Variants in CHIA observed in about 807,000 individuals in gnomAD.
The protein encoded by CHIA is acidic mammalian chitinase.
A neutral mutation model predicts 53.5 loss-of-function variants in CHIA; 47 were observed. The observed-to-expected ratio is 0.88, with a 90% CI of 0.70 to 1.12. The LOEUF (loss-of-function observed/expected upper bound fraction) is 1.12. Ranked by LOEUF, CHIA falls within the 50% of genes most tolerant of loss-of-function variation. CHIA has a pLI of 0.00. For missense variants in CHIA, 652 were observed against 592.2 expected (o/e 1.10, Z -1.05); for synonymous variants, 268 against 222.2 (o/e 1.21, Z -1.83).
intron 6 of CHIA, chr1:111,315,731 C>T (rs1161383706): frequency 1.0e-5 from 5 of 483,730 alleles, no homozygotes; most frequent in Non-Finnish European, 2.0e-5. Flanking sequence ...CTTTATTTTA[C>T]AGATGAGGAA....
intron 2 of CHIA, among the ~76,000 whole-genome samples, chr1:111,311,486 C>A (rs567324760): frequency 1.3e-5 from 2 of 151,996 alleles, no homozygotes; most frequent in East Asian, 3.9e-4. Context: ...AGGTGTGAGA[C>A]GAAGGTACCA....
At chr1:111,297,188 A>T (rs1166283802) in intron 1 of CHIA, among the ~76,000 whole-genome samples, 1 of 152,194 alleles carries the variant, frequency 6.6e-6, no homozygotes, top group Non-Finnish European at 1.5e-5. Context: ...CAACCTAGCA[A>T]GGTAGGCCAA....
chr1:111,320,563 A>ATGTTT, downstream of CHIA: 2 of 1,170,452 alleles, frequency 1.7e-6, no homozygotes, highest in Non-Finnish European at 2.5e-6. Context: ...CAGTCAAAAC[A>ATGTTT]TGACTGTCCT....
chr1:111,315,375 G>A lies in CHIA; in HGVS notation c.420G>A (p.Glu140=). 6.2e-7 allele frequency: 1 copy of A among 1,614,104 alleles called. No homozygotes were observed. ...YEFDGLDFDW[E]YPGSRGSPPQ... The stretch of plus-strand genomic sequence containing the variant: ...TTGACGGGCTGGACTTTGACTGGGA[G>A]TACCCTGGCTCTCGTGGGAGCCCTC... Residue 140 remains glutamate (E), a synonymous_variant, in exon 6 of 12, where the codon GAG becomes GAA. Coordinates refer to ENST00000369740, the MANE Select transcript of CHIA (RefSeq NM_201653.4).
chr1:111,312,602 C>T (rs1648778379), intron 4 of CHIA, among the ~76,000 whole-genome samples: 1 of 152,226 alleles, frequency 6.6e-6, no homozygotes. Context: ...ATGGCTCAAT[C>T]GAACTATCAA....
chr1:111,314,468 T>C, intron 4 of CHIA, 72 bp from the exon 5 acceptor site: 1 of 1,063,168 alleles, frequency 9.4e-7, no homozygotes, highest in South Asian at 1.3e-5. Flanking sequence ...GATCCAACAC[T>C]AAAGCAATGT....
In CHIA at chr1:111,318,018, A is replaced by G; in HGVS notation, c.638A>G (p.Asp213Gly). ...GACTACATCCATGTCATGACCTACG[A>G]CCTCCATGGCTCCTGGGAGGGCTAC... is the stretch of plus-strand genomic sequence containing the variant. ...YLDYIHVMTYDLHGSWEGYTG... is the reference protein window; with the variant it reads ...YLDYIHVMTYGLHGSWEGYTG... Residue 213 changes from aspartate to glycine, a missense_variant, in exon 8 of 12, where the codon GAC (aspartate) becomes GGC (glycine). Physicochemically the swap from Asp to Gly is moderately conservative, Grantham distance 94 (BLOSUM62 -1). Transcript: ENST00000369740. 6.2e-7 allele frequency: 1 copy of G among 1,613,930 alleles called. No homozygotes were observed. The highest frequency in any genetic ancestry group is 1.1e-5 in the South Asian group (1 of 91,070).
intron 1 of CHIA, among the ~76,000 whole-genome samples, chr1:111,301,041 T>C (rs1244403231): frequency 6.6e-6 from 1 of 152,134 alleles, no homozygotes; most frequent in Non-Finnish European, 1.5e-5. Flanking sequence ...TACTATCTCA[T>C]GCCAGTTAGA....
Position 111,297,557 on chromosome 1 carries a change from C to T in CHIA, c.-69+6607C>T, listed in dbSNP as rs1219228517. Among the ~76,000 whole-genome samples, 13 of 152,122 alleles carry T rather than the reference C, an allele frequency of 8.5e-5. 1 individual carries two copies. Among genetic ancestry groups the T allele is most frequent in the Non-Finnish European group, 1.8e-4 (12 of 68,020 alleles). Reference sequence around the variant, plus strand: ...TTTTGTCACCACCAGGCCTGCCTTACAAGAGCTCCTGAAGGAAGCACTAAA... The same window carrying T: ...TTTTGTCACCACCAGGCCTGCCTTATAAGAGCTCCTGAAGGAAGCACTAAA... On this transcript the variant is annotated intron_variant, in intron 1 of 11. Coordinates refer to ENST00000369740, the MANE Select transcript of CHIA (RefSeq NM_201653.4).
At chr1:111,297,256 C>T (rs1415041579) in intron 1 of CHIA, among the ~76,000 whole-genome samples, 4 of 152,044 alleles carry the variant, frequency 2.6e-5, no homozygotes, top group African/African-American at 4.8e-5. Context: ...GAAGAGCAAT[C>T]CCAAGACGCA....
chr1:111,300,517 C>T (rs1204751687), intron 1 of CHIA, among the ~76,000 whole-genome samples: 1 of 152,214 alleles, frequency 6.6e-6, no homozygotes, highest in East Asian at 1.9e-4. Context: ...GCTGGGATAA[C>T]TGGCTAGCCA....
intron 1 of CHIA, among the ~76,000 whole-genome samples, chr1:111,303,809 C>T (rs192182867): frequency 6.6e-6 from 1 of 152,198 alleles, no homozygotes; most frequent in East Asian, 1.9e-4. Flanking sequence ...TTTATAATTG[C>T]CCATGTGTTT....
At chr1:111,315,689 C>T (rs1310449188) in intron 6 of CHIA, 1 of 546,364 alleles carries the variant, frequency 1.8e-6, no homozygotes, top group South Asian at 1.7e-5. Context: ...TTCATATTTA[C>T]TCTATGGCAT....
At chr1:111,292,985 C>G (rs754688211) in intron 1 of CHIA, among the ~76,000 whole-genome samples, 1 of 152,172 alleles carries the variant, frequency 6.6e-6, no homozygotes, top group Admixed American at 6.5e-5. Flanking sequence ...CATTCATTCA[C>G]TGAAGGACAC....
chr1:111,317,794 C>T lies in CHIA; in HGVS notation c.594C>T (p.Pro198=). The change falls in exon 7 of 12, where the codon CCC becomes CCT. Residue 198 remains proline (P), a synonymous_variant. Transcript: ENST00000369740. ...ATATCCAGTCTGGCTATGAGATCCCCCAACTGTCACAGTGAGTGATGTGCC... is the reference window on the plus strand; with the variant it reads ...ATATCCAGTCTGGCTATGAGATCCCTCAACTGTCACAGTGAGTGATGTGCC... The part of the protein sequence containing the change: ...ISNIQSGYEI[P]QLSQYLDYIH... The T allele has an allele frequency of 1.9e-6, 3 of 1,613,542 alleles. No individual in the cohort carries two copies. The highest frequency in any genetic ancestry group is 2.5e-6 in the Non-Finnish European group (3 of 1,180,000).
intron 7 of CHIA, 31 bp downstream of exon 7, chr1:111,317,836 G>A: frequency 6.2e-7 from 1 of 1,613,566 alleles, no homozygotes; most frequent in Non-Finnish European, 8.5e-7. Flanking sequence ...TCAAACTCCT[G>A]GAGGTGTCAC....
intron 1 of CHIA, among the ~76,000 whole-genome samples, chr1:111,297,081 G>A (rs964009153): frequency 3.3e-5 from 5 of 152,218 alleles, no homozygotes; most frequent in African/African-American, 7.2e-5. Context: ...CATGTGAAAA[G>A]ACCAAATCTA....
chr1:111,292,985 C>T (rs754688211), intron 1 of CHIA, among the ~76,000 whole-genome samples: 3 of 152,172 alleles, frequency 2.0e-5, no homozygotes, highest in Non-Finnish European at 4.4e-5. Flanking sequence ...CATTCATTCA[C>T]TGAAGGACAC....
At chr1:111,310,563 A>G (rs1025915188) in intron 2 of CHIA, 71 bp downstream of exon 2, 2 of 1,611,280 alleles carry the variant, frequency 1.2e-6, no homozygotes, top group Non-Finnish European at 1.7e-6. Context: ...TCTGAAAATC[A>G]TGAAGTGGTC....
Sources: allele counts gnomAD v4.1 joint callset (sites outside exome capture counted in the v4.1 genomes callset), GRCh38; gene constraint gnomAD v4.1.1; transcripts MANE v1.5; gene names NCBI Gene and HGNC (gene_info 2026-07-23, HGNC 2026-07-21).